Variants in NCBP1 observed in about 807,000 individuals in gnomAD.
NCBP1 encodes nuclear cap binding protein subunit 1, also known as nuclear cap-binding protein subunit 1.
A neutral mutation model predicts 111.7 loss-of-function variants in NCBP1; 16 were observed. That is an observed-to-expected ratio of 0.14 (90% CI 0.10 to 0.22). The LOEUF (loss-of-function observed/expected upper bound fraction) is 0.22, where lower values mean the gene tolerates loss of function less well. Ranked by LOEUF, NCBP1 falls within the 10% of genes least tolerant of loss-of-function variation. NCBP1 has a pLI of 1.00. For synonymous variants in NCBP1, 304 were observed against 314.3 expected (o/e 0.97, Z 0.35); for missense variants, 607 against 957.5 (o/e 0.63, Z 4.83).
rs1267546890 is a variant in NCBP1 at position 97,650,583 on chromosome 9, G to T, written c.978G>T (p.Trp326Cys). 2 of 1,612,380 alleles carry T rather than the reference G, an allele frequency of 1.2e-6. No individual in the cohort carries two copies. Among genetic ancestry groups the T allele is most frequent in the Non-Finnish European group, 1.7e-6 (2 of 1,178,998 alleles). ...TTCACTGCATCATTAAGTCCCACTG[G>T]AAGGAAAGGAAGACTTGGTAAGATT... is the stretch of plus-strand genomic sequence containing the variant. ...ENLHCIIKSHWKERKTCAAQL... is the reference protein window; with the variant it reads ...ENLHCIIKSHCKERKTCAAQL... The change falls in exon 9 of 23, where the codon TGG becomes TGT. Residue 326 changes from tryptophan (W) to cysteine (C), a missense_variant. Coordinates refer to ENST00000375147, the MANE Select transcript of NCBP1 (RefSeq NM_002486.5).
chr9:97,668,683 G>A (rs1028521300), intron 20 of NCBP1, among the ~76,000 whole-genome samples, 163 bp from the exon 21 acceptor site: 10 of 151,620 alleles, frequency 6.6e-5, no homozygotes, highest in African/African-American at 2.2e-4. Flanking sequence ...ACCACAACAG[G>A]ACTTTGAGGT....
Position 97,671,377 on chromosome 9 carries a change from C to T in NCBP1, c.*178C>T. On this transcript the variant is annotated 3_prime_UTR_variant, in exon 23 of 23. Transcript: ENST00000375147. Reference sequence around the variant, plus strand: ...TTTTAATTGCCCTGAAAAGCAAATACTTCCTAACGGCAGTAATGTGACTAT... The same window carrying T: ...TTTTAATTGCCCTGAAAAGCAAATATTTCCTAACGGCAGTAATGTGACTAT... 3.7e-6 allele frequency: 2 copies of T among 542,816 alleles called. No individual in the cohort carries two copies. Among genetic ancestry groups the T allele is most frequent in the Non-Finnish European group, 6.5e-6 (2 of 306,118 alleles). 33.6% of individuals were successfully genotyped at this position (542,816 alleles called of 1,614,324 possible). A position where few individuals can be genotyped will look rare whatever the true frequency, so the allele number is the denominator to read the frequency against.
chr9:97,641,529 C>T, intron 2 of NCBP1, 33 bp from the exon 3 acceptor site: 2 of 1,515,666 alleles, frequency 1.3e-6, no homozygotes, highest in Non-Finnish European at 1.8e-6. Context: ...TTGCTGAGTA[C>T]TTGACAGATA....
At position 97,672,696 on chromosome 9, in the gene NCBP1, C is replaced by G. The variant is rs1418436346; in HGVS notation, c.*1497C>G. 13 of 172,126 alleles carry G rather than the reference C, an allele frequency of 7.6e-5. No homozygotes were observed. The highest frequency in any genetic ancestry group is 1.2e-5 in the Non-Finnish European group (1 of 83,752). 10.7% of individuals were successfully genotyped at this position (172,126 alleles called of 1,614,324 possible). A position where few individuals can be genotyped will look rare whatever the true frequency, so the allele number is the denominator to read the frequency against. On this transcript the variant is annotated 3_prime_UTR_variant, in exon 23 of 23. Transcript: ENST00000375147. The stretch of plus-strand genomic sequence containing the variant: ...TTCTTCCACCCCTGAGATGGCAAGA[C>G]CAGCCCCTTGTCTTCCTCAGCCTGC...
intron 2 of NCBP1, 108 bp downstream of exon 2, chr9:97,640,990 T>TACCATGCAAAG: frequency 2.7e-6 from 2 of 741,138 alleles, no homozygotes; most frequent in Non-Finnish European, 4.4e-6. Flanking sequence ...GCAAAGCTGG[T>TACCATGCAAAG]ATTACCATGC....
rs1232001888 is a variant in NCBP1, at chr9:97,643,254, T to G, written c.275T>G (p.Leu92Arg). Residue 92 changes from leucine (L) to arginine (R), a missense_variant, in exon 4 of 23, where the codon CTA (leucine) becomes CGA (arginine). Coordinates refer to ENST00000375147, the MANE Select transcript of NCBP1 (RefSeq NM_002486.5). ...ACAATTTATACAACATTAGTTGGAC[T>G]ACTGAATGCCAGGAATTACAATTTT... is the stretch of plus-strand genomic sequence containing the variant. ...KLTIYTTLVG[L>R]LNARNYNFGG... The G allele has an allele frequency of 6.2e-7, 1 of 1,612,256 alleles. No individual in the cohort carries two copies.
intron 1 of NCBP1, 109 bp from the exon 2 acceptor site, chr9:97,640,683 CTG>C (rs1827183532): frequency 1.3e-6 from 1 of 794,808 alleles, no homozygotes; most frequent in Non-Finnish European, 2.0e-6. Flanking sequence ...AGCTTCTACT[CTG>C]TAAAAACATA....
chr9:97,672,549 C>A lies in NCBP1; in HGVS notation c.*1350C>A, dbSNP rs1252986678. 1.3e-5 allele frequency: 2 copies of A among 152,120 alleles called. No individual in the cohort carries two copies. The highest frequency in any genetic ancestry group is 2.9e-5 in the Non-Finnish European group (2 of 68,032). The allele number at this position is 152,120 out of a possible 1,614,324, so 9.4% of individuals were successfully genotyped here. The stretch of plus-strand genomic sequence containing the variant: ...ACCCAGGTTCTTGGCTAAATGTTTT[C>A]GTTTATACTGTTTATCTTTCCCATT... On this transcript the variant is annotated 3_prime_UTR_variant, in exon 23 of 23. Coordinates refer to ENST00000375147, the MANE Select transcript of NCBP1 (RefSeq NM_002486.5).
At chr9:97,665,727 CAG>C (rs1244263011) in intron 19 of NCBP1, among the ~76,000 whole-genome samples, 2 of 152,188 alleles carry the variant, frequency 1.3e-5, no homozygotes, top group Admixed American at 1.3e-4. Context: ...TGAACAACAA[CAG>C]GGGTTAGAGA....
chr9:97,650,660 T>C, intron 9 of NCBP1, 60 bp downstream of exon 9: 1 of 1,414,952 alleles, frequency 7.1e-7, no homozygotes, highest in Non-Finnish European at 9.9e-7. Context: ...GATAATTCAG[T>C]AAGAGCAAAA....
intron 19 of NCBP1, among the ~76,000 whole-genome samples, chr9:97,665,670 A>T (rs1827973360): frequency 6.6e-6 from 1 of 152,172 alleles, no homozygotes; most frequent in South Asian, 2.1e-4. Context: ...CTTCCACTTA[A>T]ACTATTATTT....
rs1221973841 is a variant in NCBP1, at chr9:97,650,590, A to C, written c.985A>C (p.Arg329=). 3.7e-6 allele frequency: 6 copies of C among 1,612,224 alleles called. No homozygotes were observed. ...HCIIKSHWKE[R]KTCAAQLVSY... ...CATCATTAAGTCCCACTGGAAGGAA[A>C]GGAAGACTTGGTAAGATTCTTTTCA... is the stretch of plus-strand genomic sequence containing the variant. The change falls in exon 9 of 23, where the codon AGG becomes CGG. Residue 329 remains arginine (R), a synonymous_variant. Coordinates refer to ENST00000375147, the MANE Select transcript of NCBP1 (RefSeq NM_002486.5).
Position 97,650,552 on chromosome 9 carries a change from A to G in NCBP1, c.947A>G (p.Glu316Gly), listed in dbSNP as rs866735277. The change falls in exon 9 of 23, where the codon GAG becomes GGG. Residue 316 changes from glutamate (E) to glycine (G), a missense_variant. Physicochemically the swap from Glu to Gly is moderately conservative, Grantham distance 98. Around this residue, in one of 9 missense-constraint regions of NCBP1, gnomAD observed 53 missense variants for 144.8 expected, o/e 0.37. Coordinates refer to ENST00000375147, the MANE Select transcript of NCBP1 (RefSeq NM_002486.5). ...SHSVERFVIEENLHCIIKSHW... is the reference protein window; with the variant it reads ...SHSVERFVIEGNLHCIIKSHW... ...TCAGTGGAAAGATTTGTAATAGAAG[A>G]GAATCTTCACTGCATCATTAAGTCC... The G allele has an allele frequency of 3.7e-6, 6 of 1,613,550 alleles. No individual in the cohort carries two copies. In the Middle Eastern group the frequency reaches 9.9e-4, roughly 266 times the overall value.
At chr9:97,651,987 G>C (rs1429046072) in intron 10 of NCBP1, among the ~76,000 whole-genome samples, 1 of 151,642 alleles carries the variant, frequency 6.6e-6, no homozygotes, top group African/African-American at 2.4e-5. Context: ...CACTTGACAC[G>C]TGAGTCAAAC....
intron 15 of NCBP1, among the ~76,000 whole-genome samples, chr9:97,659,915 T>C (rs542019160): frequency 3.8e-4 from 58 of 152,330 alleles, no homozygotes; most frequent in Admixed American, 1.7e-3. Context: ...CATGTACTTT[T>C]TTATTTTTTC....
Position 97,645,231 on chromosome 9 carries a change from G to A in NCBP1, c.489+7G>A. The A allele has an allele frequency of 6.3e-7, 1 of 1,594,232 alleles. No individual in the cohort carries two copies. Among genetic ancestry groups the A allele is most frequent in the Non-Finnish European group, 8.6e-7 (1 of 1,162,264 alleles). On this transcript the variant is annotated splice_region_variant and intron_variant, in intron 5 of 22. Coordinates refer to ENST00000375147, the MANE Select transcript of NCBP1 (RefSeq NM_002486.5). The stretch of plus-strand genomic sequence containing the variant: ...GGAAGAAGATGTACCTCAGGTAAGA[G>A]AACCCCTCATGCTGAATCTTGAGGG...
In NCBP1 at chr9:97,633,857, G is replaced by A. The variant is rs1564013823; in HGVS notation, c.-25G>A. ...GCAGCGCTTACCGCCTGGCCTCTCG[G>A]TTCCGCGGCGCACCGGAGGGCAGCA... is the stretch of plus-strand genomic sequence containing the variant. On this transcript the variant is annotated 5_prime_UTR_variant, in exon 1 of 23. Coordinates refer to ENST00000375147, the MANE Select transcript of NCBP1 (RefSeq NM_002486.5). 3 of 1,578,172 alleles carry A rather than the reference G, an allele frequency of 1.9e-6. No individual in the cohort carries two copies. The highest frequency in any genetic ancestry group is 2.3e-5 in the East Asian group (1 of 43,214).
chr9:97,638,969 G>A (rs996436666), intron 1 of NCBP1, among the ~76,000 whole-genome samples: 6 of 152,086 alleles, frequency 3.9e-5, no homozygotes, highest in Non-Finnish European at 7.4e-5. Context: ...TTCAATAAGT[G>A]AATCCTGGAA....
At position 97,662,097 on chromosome 9, in the gene NCBP1, A is replaced by G. The variant is rs926922567; in HGVS notation, c.1656A>G (p.Leu552=). 3.7e-6 allele frequency: 6 copies of G among 1,613,842 alleles called. No individual in the cohort carries two copies. In the African/African-American group the frequency reaches 8.0e-5, roughly 22 times the overall value. The change falls in exon 17 of 23, where the codon CTA becomes CTG. Residue 552 remains leucine, a synonymous_variant. Transcript: ENST00000375147. ...TAGAAGTCTTTGTACAGACTCTGCT[A>G]CACTTGGCAGCCAAATCATTCAGCC... The part of the protein sequence containing the change: ...LKIEVFVQTL[L]HLAAKSFSHS...
Sources: allele counts gnomAD v4.1 joint callset (sites outside exome capture counted in the v4.1 genomes callset), GRCh38; gene constraint gnomAD v4.1.1; regional missense constraint gnomAD v4.1.1; transcripts MANE v1.5; gene names NCBI Gene and HGNC (gene_info 2026-07-23, HGNC 2026-07-21).